The following NAV2 variants were observed in gnomAD, a reference collection of about 807,000 sequenced individuals.
The protein encoded by NAV2 is helicase, APC down-regulated 1.
A neutral mutation model predicts 223.2 loss-of-function variants in NAV2; 54 were observed. The observed-to-expected ratio is 0.24, with a 90% CI of 0.19 to 0.30. NAV2 has a LOEUF of 0.30. NAV2 is among the 10% of genes least tolerant of loss of function. NAV2 has a pLI of 1.00. For synonymous variants in NAV2, 1,279 were observed against 1,239.3 expected (o/e 1.03, Z -0.67); for missense variants, 2,806 against 3,147.5 (o/e 0.89, Z 2.60).
chr11:19,682,540 T>C (rs2152231128), intron 1 of NAV2, among the ~76,000 whole-genome samples: 1 of 152,334 alleles, frequency 6.6e-6, no homozygotes, highest in East Asian at 1.9e-4. Context: ...AAGAAATACC[T>C]GAGGCTGGGT....
Position 20,118,583 on chromosome 11 carries a change from G to T in NAV2, c.*325G>T. 1.1e-5 allele frequency: 1 copy of T among 91,106 alleles called. No homozygotes were observed. Among genetic ancestry groups the T allele is most frequent in the Non-Finnish European group, 2.7e-5 (1 of 36,606 alleles). 5.6% of individuals were successfully genotyped at this position (91,106 alleles called of 1,614,324 possible). A position where few individuals can be genotyped will look rare whatever the true frequency, so the allele number is the denominator to read the frequency against. On this transcript the variant is annotated 3_prime_UTR_variant, in exon 38 of 38. Coordinates refer to ENST00000349880, the MANE Select transcript of NAV2 (RefSeq NM_145117.5). ...CGCCGTTGAAATGAAAAGAGAGACA[G>T]AGAGAAAAAAAAAAAGAGAACCCAC...
intron 1 of NAV2, among the ~76,000 whole-genome samples, chr11:19,691,422 T>C (rs1240672922): frequency 6.6e-6 from 1 of 152,196 alleles, no homozygotes; most frequent in East Asian, 1.9e-4. Flanking sequence ...CATTTTGGAG[T>C]GAGAGCACAT....
At chr11:19,636,515 G>T (rs1396744865) in intron 1 of NAV2, among the ~76,000 whole-genome samples, 1 of 150,318 alleles carries the variant, frequency 6.7e-6, no homozygotes, top group East Asian at 1.9e-4. Context: ...TTTTGAGACG[G>T]AGTCTCGCTC....
intron 1 of NAV2, among the ~76,000 whole-genome samples, chr11:19,825,503 C>T (rs2059604256): frequency 6.6e-6 from 1 of 152,080 alleles, no homozygotes; most frequent in Non-Finnish European, 1.5e-5. Context: ...CTCTGTTTCT[C>T]CTGGAGCTGC....
intron 26 of NAV2, among the ~76,000 whole-genome samples, chr11:20,088,448 T>C (rs537604797): frequency 6.6e-6 from 1 of 152,196 alleles, no homozygotes; most frequent in Non-Finnish European, 1.5e-5. Context: ...CAGCTGGGAT[T>C]ACAGGCGTGA....
rs528484244 is a variant in NAV2, at chr11:20,015,326, A to G, written c.2769-20633A>G. 2.4e-3 allele frequency among the ~76,000 whole-genome samples: 364 copies of G among 152,276 alleles called. 1 individual carries two copies. Among genetic ancestry groups the G allele is most frequent in the African/African-American group, 8.4e-3 (347 of 41,552 alleles). On this transcript the variant is annotated intron_variant, in intron 11 of 37. Coordinates refer to ENST00000349880, the MANE Select transcript of NAV2 (RefSeq NM_145117.5). ...ATTTTTGTGGCTGTTGTTCTTAGCC[A>G]GGGATGTGTGGGATGGGGTTTTATG...
At chr11:19,708,506 C>T (rs1414787701), upstream of NAV2, among the ~76,000 whole-genome samples, 2 of 152,136 alleles carry the variant, frequency 1.3e-5, no homozygotes, top group Non-Finnish European at 2.9e-5. Context: ...ATGTTCCAGG[C>T]TCTTCACCGG....
At chr11:19,584,191 G>A (rs1218883329) in intron 1 of NAV2, among the ~76,000 whole-genome samples, 1 of 152,068 alleles carries the variant, frequency 6.6e-6, no homozygotes, top group African/African-American at 2.4e-5. Context: ...ATTCTCTGAT[G>A]GTTTTTTGTA....
chr11:19,957,917 T>A (rs753523054), intron 10 of NAV2, among the ~76,000 whole-genome samples: 78 of 151,734 alleles, frequency 5.1e-4, no homozygotes, highest in Non-Finnish European at 9.1e-4. Flanking sequence ...GAAAAAAAAA[T>A]AAATGGGTGT....
intron 1 of NAV2, among the ~76,000 whole-genome samples, chr11:19,789,901 C>A (rs372090680): frequency 5.3e-5 from 8 of 152,134 alleles, no homozygotes; most frequent in Non-Finnish European, 8.8e-5. Context: ...TGCAAAGTCC[C>A]GACTTCTTCT....
intron 1 of NAV2, among the ~76,000 whole-genome samples, chr11:19,719,705 A>G (rs2050606246): frequency 1.3e-5 from 2 of 152,166 alleles, no homozygotes; most frequent in African/African-American, 4.8e-5. Context: ...GAAAAGACAG[A>G]CGGCTTGCAC....
chr11:19,609,893 A>G (rs1236356497), intron 1 of NAV2, among the ~76,000 whole-genome samples: 1 of 152,220 alleles, frequency 6.6e-6, no homozygotes, highest in African/African-American at 2.4e-5. Context: ...ACTGAAATCT[A>G]CCAGTAATAA....
chr11:20,069,044 T>C (rs1181824925), intron 22 of NAV2, among the ~76,000 whole-genome samples: 1 of 151,602 alleles, frequency 6.6e-6, no homozygotes, highest in Non-Finnish European at 1.5e-5. Flanking sequence ...TGGGAATATC[T>C]AGGGGGAGCA....
intron 1 of NAV2, among the ~76,000 whole-genome samples, chr11:19,690,321 T>A (rs1315963497): frequency 1.3e-5 from 2 of 152,220 alleles, no homozygotes; most frequent in Non-Finnish European, 2.9e-5. Flanking sequence ...CCTTATAGTT[T>A]TAGGTCACTC....
At chr11:19,942,107 A>C (rs1243215264) in intron 8 of NAV2, among the ~76,000 whole-genome samples, 2 of 152,156 alleles carry the variant, frequency 1.3e-5, no homozygotes, top group Non-Finnish European at 2.9e-5. Flanking sequence ...AAGTTTTAAG[A>C]CCTCTCCATA....
chr11:19,349,729 C>A (rs572340367), upstream of NAV2, among the ~76,000 whole-genome samples: 23 of 152,232 alleles, frequency 1.5e-4, no homozygotes, highest in Non-Finnish European at 1.2e-4. Context: ...TCAGATATGT[C>A]CCCACCTCTT....
intron 1 of NAV2, among the ~76,000 whole-genome samples, chr11:19,487,376 A>G (rs890919368): frequency 3.3e-5 from 5 of 152,176 alleles, no homozygotes; most frequent in Admixed American, 6.5e-5. Flanking sequence ...CACGTTTCCA[A>G]TGATCCCTGC....
intron 1 of NAV2, among the ~76,000 whole-genome samples, chr11:19,569,553 A>G (rs1276678137): frequency 6.6e-6 from 1 of 152,128 alleles, no homozygotes; most frequent in Non-Finnish European, 1.5e-5. Flanking sequence ...TCTGCCTCAA[A>G]CTATGGCAGC....
At chr11:19,591,555 C>A (rs2046062007) in intron 1 of NAV2, among the ~76,000 whole-genome samples, 4 of 152,174 alleles carry the variant, frequency 2.6e-5, no homozygotes, top group Admixed American at 1.3e-4. Context: ...CTGCTTCAAG[C>A]TGGATTCAGT....
Sources: gnomAD v4.1 joint callset for allele counts (sites outside exome capture counted in the v4.1 genomes callset) on GRCh38, gnomAD v4.1.1 for gene constraint, MANE v1.5 for transcripts, NCBI Gene and HGNC (gene_info 2026-07-23, HGNC 2026-07-21) for gene names.